SDK1: variants seen among roughly 807,000 people sequenced by gnomAD.
The protein encoded by SDK1 is protein sidekick-1.
A neutral mutation model predicts 245.5 loss-of-function variants in SDK1; 157 were observed. That is an observed-to-expected ratio of 0.64 (90% confidence interval 0.56 to 0.73). SDK1 has a LOEUF of 0.73. SDK1 is among the 30% of genes least tolerant of loss of function. The pLI is 0.00. For synonymous variants in SDK1, 1,647 were observed against 1,278.5 expected (o/e 1.29, Z -6.15); for missense variants, 3,583 against 3,002.3 (o/e 1.19, Z -4.52).
chr7:3,901,694 C>G (rs1192604793), intron 5 of SDK1, among the ~76,000 whole-genome samples: 1 of 152,162 alleles, frequency 6.6e-6, no homozygotes, highest in Non-Finnish European at 1.5e-5. Context: ...TCTTAACACT[C>G]TTTACTCACT....
Position 3,987,181 on chromosome 7 carries a change from T to C in SDK1, c.1995-5T>C, listed in dbSNP as rs973733843. 11 of 1,613,584 alleles carry C rather than the reference T, an allele frequency of 6.8e-6. No individual in the cohort carries two copies. The highest frequency in any genetic ancestry group is 5.5e-5 in the South Asian group (5 of 90,942). ...CTTTTTCCTTTTCATCCCATTCAAT[T>C]CAAGTGAACTGCCTCATTCACCTCA... On this transcript the variant is annotated splice_polypyrimidine_tract_variant and splice_region_variant and intron_variant, in intron 13 of 44. Transcript: ENST00000404826.
intron 13 of SDK1, among the ~76,000 whole-genome samples, chr7:3,979,623 G>T (rs568902806): frequency 1.3e-5 from 2 of 152,114 alleles, no homozygotes; most frequent in African/African-American, 4.8e-5. Flanking sequence ...GAGAGAAGAG[G>T]CTTCTAAACT....
At position 3,491,897 on chromosome 7, in the gene SDK1, C is replaced by T. The variant is rs568688081; in HGVS notation, c.299-127183C>T. ...TTTAAAAATTAAAAATAGTAATTAACATTGGTAACAGTATATTGATGACCA... is the reference window on the plus strand; with the variant it reads ...TTTAAAAATTAAAAATAGTAATTAATATTGGTAACAGTATATTGATGACCA... On this transcript the variant is annotated intron_variant, in intron 1 of 44. Transcript: ENST00000404826. 5.3e-4 allele frequency among the ~76,000 whole-genome samples: 81 copies of T among 152,242 alleles called. 1 individual carries two copies. The highest frequency in any genetic ancestry group is 1.8e-3 in the African/African-American group (76 of 41,552).
intron 44 of SDK1, among the ~76,000 whole-genome samples, chr7:4,255,782 G>A (rs757105699): frequency 1.4e-4 from 21 of 152,142 alleles, no homozygotes; most frequent in Non-Finnish European, 2.2e-4. Flanking sequence ...ACTGAGCTGG[G>A]GGAATTGGAT....
chr7:3,497,672 T>A (rs1782067256), intron 1 of SDK1, among the ~76,000 whole-genome samples: 1 of 152,190 alleles, frequency 6.6e-6, no homozygotes, highest in African/African-American at 2.4e-5. Context: ...TGTAGTAAGA[T>A]GGAGTAAAAG....
rs1788402469 is a variant in SDK1 at position 4,265,362 on chromosome 7, CCGGCTTCTCCTCCTTCGTGTGAGCAAAG to C, written c.6623_*8del. On this transcript the variant is annotated stop_lost and 3_prime_UTR_variant, in exon 45 of 45. Transcript: ENST00000404826. ...GGCCCCGGCGCGCGAACTCCGCTCA[CCGGCTTCTCCTCCTTCGTGTGAGCAAAG>C]CGCCGCGCCTCCCTCAGGGCGGAAC... 6.9e-7 allele frequency: 1 copy of C among 1,450,558 alleles called. No individual in the cohort carries two copies. Among genetic ancestry groups the C allele is most frequent in the African/African-American group, 1.5e-5 (1 of 68,040 alleles). 89.9% of individuals were successfully genotyped at this position (1,450,558 alleles called of 1,614,324 possible). A position where few individuals can be genotyped will look rare whatever the true frequency, so the allele number is the denominator to read the frequency against.
At chr7:3,565,174 C>T (rs956990181) in intron 1 of SDK1, among the ~76,000 whole-genome samples, 3 of 151,808 alleles carry the variant, frequency 2.0e-5, no homozygotes, top group Non-Finnish European at 4.4e-5. Flanking sequence ...CCAGCAAACA[C>T]ATCTCTCCAG....
chr7:3,507,868 C>A (rs941017548), intron 1 of SDK1, among the ~76,000 whole-genome samples: 4 of 152,204 alleles, frequency 2.6e-5, no homozygotes, highest in African/African-American at 7.2e-5. Context: ...TTTCATCCAG[C>A]AGTTCCATTG....
At position 3,317,262 on chromosome 7, in the gene SDK1, A is replaced by G. The variant is rs534214125; in HGVS notation, c.298+15378A>G. On this transcript the variant is annotated intron_variant, in intron 1 of 44. Coordinates refer to ENST00000404826, the MANE Select transcript of SDK1 (RefSeq NM_152744.4). ...TGCTAGCAATTTCGAATCCTATTTTACATAAAAGATTATAGTAATTTTTAA... is the reference window on the plus strand; with the variant it reads ...TGCTAGCAATTTCGAATCCTATTTTGCATAAAAGATTATAGTAATTTTTAA... Among the ~76,000 whole-genome samples, 10 of 151,190 alleles carry G rather than the reference A, an allele frequency of 6.6e-5. No homozygotes were observed. The East Asian group carries it at 1.7e-3, about 26-fold the overall frequency.
At chr7:3,657,354 C>G (rs1783218283) in intron 4 of SDK1, among the ~76,000 whole-genome samples, 1 of 152,162 alleles carries the variant, frequency 6.6e-6, no homozygotes, top group Admixed American at 6.5e-5. Flanking sequence ...GGTGGGTTCC[C>G]TCTTTGTGGA....
At chr7:3,486,770 C>T (rs937417550) in intron 1 of SDK1, among the ~76,000 whole-genome samples, 3 of 151,916 alleles carry the variant, frequency 2.0e-5, no homozygotes, top group Non-Finnish European at 4.4e-5. Context: ...ATTTGGAAGA[C>T]TTGTATTTTT....
At chr7:4,141,273 G>A (rs922117943) in intron 28 of SDK1, among the ~76,000 whole-genome samples, 11 of 152,194 alleles carry the variant, frequency 7.2e-5, no homozygotes, top group African/African-American at 2.4e-4. Context: ...TGATAGAAAG[G>A]AGGGTCTGTA....
chr7:3,568,752 T>A (rs1344709258), intron 1 of SDK1, among the ~76,000 whole-genome samples: 4 of 152,196 alleles, frequency 2.6e-5, no homozygotes, highest in African/African-American at 7.2e-5. Context: ...AAATGGTTTA[T>A]CCTGAGCTGA....
At chr7:3,570,877 G>A (rs935555857) in intron 1 of SDK1, among the ~76,000 whole-genome samples, 1 of 152,182 alleles carries the variant, frequency 6.6e-6, no homozygotes, top group South Asian at 2.1e-4. Flanking sequence ...TATAATCACA[G>A]TTTGCTTGCT....
intron 31 of SDK1, 36 bp from the exon 32 acceptor site, chr7:4,161,750 A>C: frequency 1.9e-6 from 3 of 1,582,160 alleles, no homozygotes; most frequent in Non-Finnish European, 1.7e-6. Context: ...CATAACAACC[A>C]CCCTGACCCC....
Position 3,961,510 on chromosome 7 carries a change from T to G in SDK1, c.1235-1147T>G, listed in dbSNP as rs74944239. ...TTTTTATTTAAATCCACTTTCTCTT[T>G]AGGGAAACTGAGGTACAGAACCATC... On this transcript the variant is annotated intron_variant, in intron 8 of 44. Transcript: ENST00000404826. 4.1e-3 allele frequency among the ~76,000 whole-genome samples: 625 copies of G among 152,336 alleles called. 4 individuals carry two copies. Among genetic ancestry groups the G allele is most frequent in the African/African-American group, 0.014 (566 of 41,578 alleles).
Position 4,221,063 on chromosome 7 carries a change from C to T in SDK1, c.5702-176C>T, listed in dbSNP as rs917588842. Among the ~76,000 whole-genome samples, 5 of 152,184 alleles carry T rather than the reference C, an allele frequency of 3.3e-5. No individual in the cohort carries two copies. In the East Asian group the frequency reaches 5.8e-4, roughly 18 times the overall value. ...TGGCTTTCAGGCGTGAGCCACCACG[C>T]CCGGCCTTGCCTCCCTGTTATTAAG... On this transcript the variant is annotated intron_variant, in intron 39 of 44. Coordinates refer to ENST00000404826, the MANE Select transcript of SDK1 (RefSeq NM_152744.4).
chr7:4,175,366 C>T (rs1036871626), intron 33 of SDK1, among the ~76,000 whole-genome samples: 1 of 152,202 alleles, frequency 6.6e-6, no homozygotes, highest in East Asian at 1.9e-4. Context: ...CGCACCTGGT[C>T]GCGCAGCTCT....
At position 4,139,613 on chromosome 7, in the gene SDK1, A is replaced by G. The variant is rs1464668648; in HGVS notation, c.4229-6109A>G. ...TGTGTATATGTATATATGTGTGTGT[A>G]TATGTGTGTGTGTATATGTATATAT... On this transcript the variant is annotated intron_variant, in intron 28 of 44. Coordinates refer to ENST00000404826, the MANE Select transcript of SDK1 (RefSeq NM_152744.4). 4.0e-3 allele frequency among the ~76,000 whole-genome samples: 155 copies of G among 38,900 alleles called. 8 individuals carry two copies. The highest frequency in any genetic ancestry group is 0.018 in the African/African-American group (127 of 7,050). The allele number at this position is 38,900 out of a possible 152,430, so 25.5% of individuals were successfully genotyped here.
Sources: gnomAD v4.1 joint callset for allele counts (sites outside exome capture counted in the v4.1 genomes callset) on GRCh38, gnomAD v4.1.1 for gene constraint, MANE v1.5 for transcripts, NCBI Gene and HGNC (gene_info 2026-07-23, HGNC 2026-07-21) for gene names.